BRCA2: variants seen among roughly 807,000 people sequenced by gnomAD.
BRCA2 encodes the protein breast cancer type 2 susceptibility protein.
BRCA2 carries 203 observed loss-of-function variants against 276.7 expected under a neutral mutation model. The observed-to-expected ratio is 0.73, with a 90% confidence interval of 0.65 to 0.82. The LOEUF (loss-of-function observed/expected upper bound fraction) is 0.82, where lower values mean the gene tolerates loss of function less well. Ranked by LOEUF, BRCA2 falls within the 40% of genes least tolerant of loss-of-function variation. BRCA2 has a pLI of 0.00. For missense variants in BRCA2, 3,920 were observed against 3,915.0 expected, an observed-to-expected ratio of 1.00 and a Z score of -0.03; for synonymous variants, 1,289 against 1,338.4, an observed-to-expected ratio of 0.96 and a Z score of 0.81.
chr13:32,386,726 C>T (rs2072963417), intron 24 of BRCA2, among the ~76,000 whole-genome samples: 1 of 152,092 alleles, frequency 6.6e-6, no homozygotes, highest in Admixed American at 6.5e-5. Flanking sequence ...CCCTTAGTTA[C>T]AGTGTGAGGG....
intron 18 of BRCA2, among the ~76,000 whole-genome samples, chr13:32,369,517 T>C (rs1431206110): frequency 6.6e-6 from 1 of 152,218 alleles, no homozygotes; most frequent in Non-Finnish European, 1.5e-5. Context: ...TCATATACTT[T>C]AGTTTTATCG....
At position 32,338,455 on chromosome 13, in the gene BRCA2, A is replaced by G. The variant is rs2137502918; in HGVS notation, c.4100A>G (p.Lys1367Arg). ...LFTDQHNICL[K>R]LSGQFMKEGN... ...ACTGATCAGCACAACATATGTCTTA[A>G]ATTATCTGGCCAGTTTATGAAGGAG... Residue 1367 changes from lysine (K) to arginine (R), a missense_variant, in exon 11 of 27, where the codon AAA (lysine) becomes AGA (arginine). By Grantham distance (26) the Lys-to-Arg change is conservative. Coordinates refer to ENST00000380152, the MANE Select transcript of BRCA2 (RefSeq NM_000059.4). 1 of 1,611,872 alleles carries G rather than the reference A, an allele frequency of 6.2e-7. No homozygotes were observed. The highest frequency in any genetic ancestry group is 1.3e-5 in the African/African-American group (1 of 74,960).
At chr13:32,394,999 G>A (rs2073026521) in intron 25 of BRCA2, 66 bp downstream of exon 25, 3 of 1,595,562 alleles carry the variant, frequency 1.9e-6, no homozygotes, top group Non-Finnish European at 2.6e-6. Flanking sequence ...CCAGTATCAA[G>A]GAAATAGCTT....
chr13:32,375,023 A>G (rs1413245227), intron 20 of BRCA2, among the ~76,000 whole-genome samples: 1 of 152,222 alleles, frequency 6.6e-6, no homozygotes, highest in East Asian at 1.9e-4. Context: ...AAGGAGAAGC[A>G]AGTACCTTCT....
chr13:32,397,040 T>C lies in BRCA2; in HGVS notation c.9644T>C (p.Leu3215Pro). 6.2e-7 allele frequency: 1 copy of C among 1,613,890 alleles called. No homozygotes were observed. Among genetic ancestry groups the C allele is most frequent in the South Asian group, 1.1e-5 (1 of 91,068 alleles). The stretch of plus-strand genomic sequence containing the variant: ...ATCATTCCTGGTACAGGAAACAAGC[T>C]TCTGGTAAGTTAATGTAAACTCAAG... ...AQIIPGTGNK[L>P]LMSSPNCEIY... The change falls in exon 26 of 27, where the codon CTT (leucine) becomes CCT (proline). Residue 3215 changes from leucine (L) to proline (P), a missense_variant. Around this residue, in one of 2 missense-constraint regions of BRCA2, gnomAD observed 657 missense variants for 758.2 expected, o/e 0.87. Transcript: ENST00000380152.
In BRCA2 at chr13:32,371,078, G is replaced by A. The variant is rs1317866079; in HGVS notation, c.8610G>A (p.Gln2870=). 6.2e-7 allele frequency: 1 copy of A among 1,613,886 alleles called. No individual in the cohort carries two copies. Among genetic ancestry groups the A allele is most frequent in the East Asian group, 2.2e-5 (1 of 44,872 alleles). The change falls in exon 20 of 27, where the codon CAG becomes CAA. Residue 2870 remains glutamine, a synonymous_variant. Transcript: ENST00000380152. ...TAGAAGCCTTATTCACTAAAATTCAGGAGGAATTTGAAGAACATGAAGGTA... is the reference window on the plus strand; with the variant it reads ...TAGAAGCCTTATTCACTAAAATTCAAGAGGAATTTGAAGAACATGAAGGTA... ...KRLEALFTKI[Q]EEFEEHEENT... is the part of the protein sequence containing the mutation.
At chr13:32,322,817 A>C (rs1267399580) in intron 3 of BRCA2, among the ~76,000 whole-genome samples, 1 of 152,234 alleles carries the variant, frequency 6.6e-6, no homozygotes, top group East Asian at 1.9e-4. Flanking sequence ...TTATCCATTC[A>C]TCTATTGAAG....
chr13:32,344,754 A>G (rs1356431707), intron 12 of BRCA2, 101 bp downstream of exon 12: 7 of 840,722 alleles, frequency 8.3e-6, no homozygotes, highest in South Asian at 3.0e-5. Context: ...TGCTGGGATT[A>G]CAGACATGAG....
At chr13:32,391,478 A>T (rs528294708) in intron 24 of BRCA2, among the ~76,000 whole-genome samples, 1 of 152,328 alleles carries the variant, frequency 6.6e-6, no homozygotes, top group East Asian at 1.9e-4. Context: ...GGGCAAGTCC[A>T]GGAGGGAACT....
intron 20 of BRCA2, among the ~76,000 whole-genome samples, chr13:32,374,253 A>G (rs900708176): frequency 6.6e-5 from 10 of 150,718 alleles, no homozygotes; most frequent in Admixed American, 2.6e-4. Flanking sequence ...CCTTGGAGAC[A>G]CTGTCTCCAT....
At chr13:32,369,128 G>A (rs758530811) in intron 18 of BRCA2, among the ~76,000 whole-genome samples, 2 of 151,942 alleles carry the variant, frequency 1.3e-5, no homozygotes, top group African/African-American at 2.4e-5. Context: ...TTCAATAATA[G>A]CATCTCACCC....
At chr13:32,391,585 C>T (rs2137646417) in intron 24 of BRCA2, among the ~76,000 whole-genome samples, 1 of 152,364 alleles carries the variant, frequency 6.6e-6, no homozygotes, top group African/African-American at 2.4e-5. Context: ...GGCATCCACT[C>T]CAGGTGGAAT....
At chr13:32,367,201 G>A (rs1177341713) in intron 18 of BRCA2, among the ~76,000 whole-genome samples, 2 of 152,038 alleles carry the variant, frequency 1.3e-5, no homozygotes, top group African/African-American at 4.8e-5. Flanking sequence ...TTGGGAGGCC[G>A]AGGCAGGCAG....
chr13:32,336,274 A>C lies in BRCA2; in HGVS notation c.1919A>C (p.His640Pro). 1 of 1,603,196 alleles carries C rather than the reference A, an allele frequency of 6.2e-7. No individual in the cohort carries two copies. Among genetic ancestry groups the C allele is most frequent in the Non-Finnish European group, 8.5e-7 (1 of 1,176,328 alleles). The change falls in exon 11 of 27, where the codon CAT becomes CCT. Residue 640 changes from histidine (H) to proline (P), a missense_variant. His to Pro is a moderately conservative substitution (Grantham distance 77). Around this residue, in one of 2 missense-constraint regions of BRCA2, gnomAD observed 3,263 missense variants for 3,156.9 expected, o/e 1.03. Coordinates refer to ENST00000380152, the MANE Select transcript of BRCA2 (RefSeq NM_000059.4). Reference sequence around the variant, plus strand: ...GTGTTTTTATGTTTAGGTTTATTGCATTCTTCTGTGAAAAGAAGCTGTTCA... The same window carrying C: ...GTGTTTTTATGTTTAGGTTTATTGCCTTCTTCTGTGAAAAGAAGCTGTTCA... ...TFANADSGLL[H>P]SSVKRSCSQN...
intron 18 of BRCA2, among the ~76,000 whole-genome samples, chr13:32,368,082 C>T (rs866283050): frequency 1.7e-5 from 2 of 118,146 alleles, no homozygotes; most frequent in East Asian, 2.9e-4. Flanking sequence ...TGCAGTGGCA[C>T]GATCTTGGCT....
At chr13:32,359,222 G>GAAAAAAAAAAAA (rs67041705) in intron 16 of BRCA2, among the ~76,000 whole-genome samples, 5 of 107,430 alleles carry the variant, frequency 4.7e-5, no homozygotes, top group African/African-American at 3.5e-5. Context: ...TCCATCTCAA[G>GAAAAAAAAAAAA]AAAAAAAAAA....
chr13:32,343,824 A>G (rs926118429), intron 11 of BRCA2, among the ~76,000 whole-genome samples: 28 of 152,302 alleles, frequency 1.8e-4, no homozygotes, highest in African/African-American at 6.7e-4. Context: ...TTACTGGAAC[A>G]GTACAGGTCA....
chr13:32,345,470 G>T (rs957827357), intron 12 of BRCA2, among the ~76,000 whole-genome samples: 2 of 151,952 alleles, frequency 1.3e-5, no homozygotes, highest in African/African-American at 4.8e-5. Flanking sequence ...GAGAATCATT[G>T]TCCTATAATA....
rs1302254513 is a variant in BRCA2, at chr13:32,363,486, C to T, written c.8284C>T (p.Pro2762Ser). 1.2e-6 allele frequency: 2 copies of T among 1,613,968 alleles called. No homozygotes were observed. The highest frequency in any genetic ancestry group is 1.3e-5 in the African/African-American group (1 of 74,896). ...TCATGGAGCAGAACTGGTGGGCTCT[C>T]CTGATGCCTGTACACCTCTTGAAGC... ...ILHGAELVGS[P>S]DACTPLEAPE... The change falls in exon 18 of 27, where the codon CCT (proline) becomes TCT (serine). Residue 2762 changes from proline (P) to serine (S), a missense_variant. Around this residue, in one of 2 missense-constraint regions of BRCA2, gnomAD observed 3,263 missense variants for 3,156.9 expected, o/e 1.03. Coordinates refer to ENST00000380152, the MANE Select transcript of BRCA2 (RefSeq NM_000059.4).
Sources: gnomAD v4.1 joint callset for allele counts (sites outside exome capture counted in the v4.1 genomes callset) on GRCh38, gnomAD v4.1.1 for gene constraint, gnomAD v4.1.1 regional missense constraint, MANE v1.5 for transcripts, NCBI Gene and HGNC (gene_info 2026-07-23, HGNC 2026-07-21) for gene names.